The following YJU2B variants were observed in gnomAD, a reference collection of about 807,000 sequenced individuals.
The protein encoded by YJU2B is YJU2 splicing factor homolog B, also known as probable splicing factor YJU2B.
YJU2B carries 18 observed loss-of-function variants against 38.0 expected under a neutral mutation model. The ratio of observed to expected loss-of-function variants is 0.47; its 90% confidence interval spans 0.33 to 0.70. The LOEUF (loss-of-function observed/expected upper bound fraction) is 0.70, where lower values mean the gene tolerates loss of function less well. YJU2B is among the 30% of genes least tolerant of loss of function. The pLI, the probability that YJU2B is intolerant of heterozygous loss-of-function variation, is 0.02. For synonymous variants in YJU2B, 246 were observed against 225.4 expected (o/e 1.09, Z -0.82); for missense variants, 538 against 556.3 (o/e 0.97, Z 0.33).
Position 13,762,924 on chromosome 19 carries a change from G to T in YJU2B, c.1047G>T (p.Pro349=), listed in dbSNP as rs752129226. Reference sequence around the variant, plus strand: ...CTGAGACCCCCAAGTGCAGCAGCCCGAGGGGGCAGGAAGGGAGCCGTCAGG... The same window carrying T: ...CTGAGACCCCCAAGTGCAGCAGCCCTAGGGGGCAGGAAGGGAGCCGTCAGG... The part of the protein sequence containing the change: ...ETTETPKCSS[P]RGQEGSRQDK... The change falls in exon 10 of 10, where the codon CCG becomes CCT. Residue 349 remains proline, a synonymous_variant. Coordinates refer to ENST00000221554, the MANE Select transcript of YJU2B (RefSeq NM_030818.4). 6.2e-7 allele frequency: 1 copy of T among 1,611,834 alleles called. No individual in the cohort carries two copies. Among genetic ancestry groups the T allele is most frequent in the East Asian group, 2.2e-5 (1 of 44,858 alleles).
intron 2 of YJU2B, 102 bp downstream of exon 2, chr19:13,751,913 A>G (rs560385477): frequency 1.8e-6 from 2 of 1,121,772 alleles, no homozygotes. Context: ...TGATGATTTC[A>G]ATCTCCGGGT....
intron 2 of YJU2B, 115 bp from the exon 3 acceptor site, chr19:13,754,174 A>ATT: frequency 1.3e-6 from 1 of 785,488 alleles, no homozygotes; most frequent in Non-Finnish European, 2.2e-6. Context: ...TCCATCTCTA[A>ATT]AAATTAATAG....
At position 13,759,304 on chromosome 19, in the gene YJU2B, G is replaced by T. The variant is rs113128213; in HGVS notation, c.573+32G>T. The T allele has an allele frequency of 5.6e-4, 877 of 1,558,740 alleles. 6 individuals carry two copies. The African/African-American group carries it at 0.011, about 19-fold the overall frequency. On this transcript the variant is annotated intron_variant, in intron 8 of 9. Transcript: ENST00000221554. ...GGGGCTCCAGCCCGGGGTCAGAGAGGATGCATGGTGGACCAAGGCCCGGGT... is the reference window on the plus strand; with the variant it reads ...GGGGCTCCAGCCCGGGGTCAGAGAGTATGCATGGTGGACCAAGGCCCGGGT...
At chr19:13,731,791 G>A (rs1379385979) in exon 1 of YJU2B, 3 of 152,278 alleles carry the variant, frequency 2.0e-5, no homozygotes, top group East Asian at 3.8e-4. Flanking sequence ...AACCAGCGAA[G>A]GCTGAACCCG....
In YJU2B at chr19:13,756,269, C is replaced by G; in HGVS notation, c.130C>G (p.Leu44Val). Reference sequence around the variant, plus strand: ...GGCTCGGAAGCTGTCACAGGGCATCCTCATCATCCGGTAAGGCCCAGCATC... The same window carrying G: ...GGCTCGGAAGCTGTCACAGGGCATCGTCATCATCCGGTAAGGCCCAGCATC... ...ERARKLSQGI[L>V]IIRFEMPYNI... Residue 44 changes from leucine (L) to valine (V), a missense_variant, in exon 4 of 10, where the codon CTC becomes GTC. Leu to Val is a conservative substitution (Grantham distance 32). Around this residue, in one of 2 missense-constraint regions of YJU2B, gnomAD observed 50 missense variants for 86.9 expected, o/e 0.58. Transcript: ENST00000221554. The G allele has an allele frequency of 6.2e-7, 1 of 1,613,900 alleles. No individual in the cohort carries two copies.
At chr19:13,737,026 CAAAAAAAAAAA>C (rs61619895) in intron 2 of YJU2B, among the ~76,000 whole-genome samples, 1 of 118,016 alleles carries the variant, frequency 8.5e-6, no homozygotes, top group South Asian at 2.8e-4. Flanking sequence ...GACTCATTCT[CAAAAAAAAAAA>C]AAAAAGAAAA....
intron 3 of YJU2B, among the ~76,000 whole-genome samples, chr19:13,755,475 A>AT (rs1568291685): frequency 6.6e-6 from 1 of 150,722 alleles, no homozygotes; most frequent in African/African-American, 2.4e-5. Flanking sequence ...AAAAAAAAAA[A>AT]AAATAAGGTG....
At chr19:13,747,189 C>G (rs1267725989), upstream of YJU2B, among the ~76,000 whole-genome samples, 1 of 152,290 alleles carries the variant, frequency 6.6e-6, no homozygotes, top group South Asian at 2.1e-4. Context: ...GAAAACCTCT[C>G]CTTCCCTGCA....
chr19:13,743,349 A>G (rs957959052), upstream of YJU2B, among the ~76,000 whole-genome samples: 2 of 152,158 alleles, frequency 1.3e-5, no homozygotes, highest in African/African-American at 4.8e-5. Context: ...GGAGGCCAAG[A>G]TGGGAGGATT....
chr19:13,754,370 C>T (rs1269698524), intron 3 of YJU2B, 28 bp downstream of exon 3: 8 of 1,594,696 alleles, frequency 5.0e-6, no homozygotes, highest in Non-Finnish European at 6.0e-6. Flanking sequence ...TCCAGGTCCA[C>T]AGTAGCAAAA....
At chr19:13,737,215 G>A (rs1972973895) in intron 2 of YJU2B, among the ~76,000 whole-genome samples, 1 of 151,840 alleles carries the variant, frequency 6.6e-6, no homozygotes, top group Non-Finnish European at 1.5e-5. Context: ...TTTTTGTAGA[G>A]CATCTCACTA....
intron 1 of YJU2B, among the ~76,000 whole-genome samples, chr19:13,749,001 T>C (rs1240423881): frequency 6.6e-6 from 1 of 152,146 alleles, no homozygotes; most frequent in East Asian, 1.9e-4. Flanking sequence ...TTCCATCAGC[T>C]TCTTTCTTTC....
chr19:13,738,262 G>C (rs930211067), intron 2 of YJU2B, among the ~76,000 whole-genome samples: 5 of 152,162 alleles, frequency 3.3e-5, no homozygotes, highest in Non-Finnish European at 7.3e-5. Context: ...AAGTGGAAAA[G>C]GGGATGAAAA....
chr19:13,743,345 C>T (rs577756794), upstream of YJU2B, among the ~76,000 whole-genome samples: 1 of 152,200 alleles, frequency 6.6e-6, no homozygotes, highest in South Asian at 2.1e-4. Context: ...TTTGGGAGGC[C>T]AAGATGGGAG....
intron 8 of YJU2B, chr19:13,761,694 A>G (rs549296348): frequency 1.3e-5 from 2 of 152,204 alleles, no homozygotes; most frequent in Non-Finnish European, 2.9e-5. Context: ...CAGCCTGGGC[A>G]ACATAGTGAG....
chr19:13,759,134 C>T lies in YJU2B; in HGVS notation c.435C>T (p.Ala145=). 6.2e-7 allele frequency: 1 copy of T among 1,613,786 alleles called. No individual in the cohort carries two copies. Among genetic ancestry groups the T allele is most frequent in the Non-Finnish European group, 8.5e-7 (1 of 1,179,934 alleles). Residue 145 remains alanine (A), a synonymous_variant, in exon 8 of 10, where the codon GCC becomes GCT. Transcript: ENST00000221554. ...HEKKQKLETD[A]MFRLEHGEAD... ...AGAAGCAGAAGCTGGAGACGGACGC[C>T]ATGTTCCGGCTGGAGCATGGCGAGG...
upstream of YJU2B, among the ~76,000 whole-genome samples, chr19:13,745,692 T>TAGATATAG (rs57681294): frequency 2.9e-4 from 27 of 93,298 alleles, no homozygotes; most frequent in African/African-American, 1.0e-3. Flanking sequence ...GATAGATAGA[T>TAGATATAG]ATAGATATAT....
rs1486865266 is a variant in YJU2B, at chr19:13,763,006, C to T, written c.1129C>T (p.Arg377Trp). 5 of 1,602,964 alleles carry T rather than the reference C, an allele frequency of 3.1e-6. No individual in the cohort carries two copies. The highest frequency in any genetic ancestry group is 4.3e-6 in the Non-Finnish European group (5 of 1,174,504). The change falls in exon 10 of 10, where the codon CGG (arginine) becomes TGG (tryptophan). Residue 377 changes from arginine (R) to tryptophan (W), a missense_variant. By Grantham distance (101) the Arg-to-Trp change is moderately radical (BLOSUM62 -3). Transcript: ENST00000221554. Reference protein sequence around the residue: ...SQEAADTPDTRHPCSLGSSLV... With the variant: ...SQEAADTPDTWHPCSLGSSLV... ...GGAGGCAGCTGACACCCCCGACACG[C>T]GGCACCCCTGCAGTCTCGGCTCCTC...
In YJU2B at chr19:13,763,092, A is replaced by C. The variant is rs1568303099; in HGVS notation, c.*24A>C. The C allele has an allele frequency of 2.0e-6, 3 of 1,523,044 alleles. No homozygotes were observed. The South Asian group carries it at 3.9e-5, about 20-fold the overall frequency. 94.3% of individuals were successfully genotyped at this position (1,523,044 alleles called of 1,614,324 possible). ...GAGCGATCCCCATCCTGGAGACTGG[A>C]CCCGCTCTAGAGGCCCGGACACACC... On this transcript the variant is annotated 3_prime_UTR_variant, in exon 10 of 10. Coordinates refer to ENST00000221554, the MANE Select transcript of YJU2B (RefSeq NM_030818.4).
Sources: allele counts gnomAD v4.1 joint callset (sites outside exome capture counted in the v4.1 genomes callset), GRCh38; gene constraint gnomAD v4.1.1; regional missense constraint gnomAD v4.1.1; transcripts MANE v1.5; gene names NCBI Gene and HGNC (gene_info 2026-07-23, HGNC 2026-07-21).